The following IGSF11 variants were observed in gnomAD, a reference collection of about 807,000 sequenced individuals.
IGSF11 encodes CXADR like 1.
A neutral mutation model predicts 41.0 loss-of-function variants in IGSF11; 22 were observed. That is an observed-to-expected ratio of 0.54 (90% CI 0.38 to 0.77). The LOEUF is 0.77. IGSF11 is among the 30% of genes least tolerant of loss of function. The probability of loss-of-function intolerance (pLI) is 0.00; values close to 1 mark genes in which losing one functional copy is unlikely to be tolerated. For synonymous variants in IGSF11, 219 were observed against 201.3 expected, an observed-to-expected ratio of 1.09 and a Z score of -0.74; for missense variants, 444 against 530.8, an observed-to-expected ratio of 0.84 and a Z score of 1.61.
intron 1 of IGSF11, among the ~76,000 whole-genome samples, chr3:119,055,170 C>A (rs1046735867): frequency 6.6e-6 from 1 of 152,090 alleles, no homozygotes. Flanking sequence ...CACCAAACAC[C>A]CATCTGTACA....
At chr3:118,945,804 A>C (rs983010933) in intron 1 of IGSF11, 2 of 152,228 alleles carry the variant, frequency 1.3e-5, no homozygotes, top group African/African-American at 4.8e-5. Context: ...CACACAAACC[A>C]GAAATGTCCT....
intron 1 of IGSF11, among the ~76,000 whole-genome samples, chr3:119,072,628 T>G (rs2076418417): frequency 6.6e-6 from 1 of 152,176 alleles, no homozygotes; most frequent in African/African-American, 2.4e-5. Context: ...TTACAGCTCT[T>G]AAGGCAGTGC....
At chr3:119,026,277 C>A (rs1390680048) in intron 1 of IGSF11, among the ~76,000 whole-genome samples, 1 of 152,020 alleles carries the variant, frequency 6.6e-6, no homozygotes, top group Non-Finnish European at 1.5e-5. Flanking sequence ...TAATGCCACC[C>A]CATATAGCAC....
chr3:118,954,704 T>G (rs1240963223), intron 1 of IGSF11, among the ~76,000 whole-genome samples: 1 of 152,140 alleles, frequency 6.6e-6, no homozygotes, highest in Admixed American at 6.6e-5. Flanking sequence ...GTGTGTTCAC[T>G]GGAGTAGCAT....
At chr3:118,908,490 A>G (rs1256686641) in intron 4 of IGSF11, among the ~76,000 whole-genome samples, 2 of 152,238 alleles carry the variant, frequency 1.3e-5, no homozygotes, top group Non-Finnish European at 2.9e-5. Flanking sequence ...CACAAAGCAC[A>G]TAGCCCTTCC....
At chr3:118,934,169 C>T (rs1043273743) in intron 1 of IGSF11, among the ~76,000 whole-genome samples, 3 of 152,180 alleles carry the variant, frequency 2.0e-5, no homozygotes, top group African/African-American at 7.2e-5. Context: ...AGAATCTATT[C>T]CTGCTCCATA....
chr3:118,930,103 C>A lies in IGSF11; in HGVS notation c.216+9G>T, dbSNP rs1413200225. ...CTTTTAGAGGTAGCACAGGATGCAA[C>A]AGAAATACCTGTTCAGGTTGGTTGG... On this transcript the variant is annotated intron_variant, in intron 2 of 6. Coordinates refer to ENST00000393775, the MANE Select transcript of IGSF11 (RefSeq NM_001015887.3). 6.2e-7 allele frequency: 1 copy of A among 1,609,242 alleles called. No individual in the cohort carries two copies. The highest frequency in any genetic ancestry group is 8.5e-7 in the Non-Finnish European group (1 of 1,177,510).
rs1197956070 is a variant in IGSF11, at chr3:118,902,478, C to T, written c.*42G>A. 1 of 417,364 alleles carries T rather than the reference C, an allele frequency of 2.4e-6. No homozygotes were observed. The highest frequency in any genetic ancestry group is 4.8e-6 in the Non-Finnish European group (1 of 209,396). 25.9% of individuals were successfully genotyped at this position (417,364 alleles called of 1,614,324 possible). On this transcript the variant is annotated 3_prime_UTR_variant, in exon 7 of 7. Coordinates refer to ENST00000393775, the MANE Select transcript of IGSF11 (RefSeq NM_001015887.3). ...CCCCACCCTCCCCCTTGTATGAGGG[C>T]ATTCCATTTATTCATTTCTGAACAC...
At chr3:118,967,950 G>A (rs1398558000) in intron 1 of IGSF11, among the ~76,000 whole-genome samples, 3 of 151,948 alleles carry the variant, frequency 2.0e-5, no homozygotes, top group Admixed American at 1.3e-4. Context: ...TGTGACACAG[G>A]GTAGTTTCCA....
At chr3:118,932,592 A>T (rs1205386391) in intron 1 of IGSF11, among the ~76,000 whole-genome samples, 1 of 152,224 alleles carries the variant, frequency 6.6e-6, no homozygotes, top group East Asian at 1.9e-4. Context: ...AAGTTGAAAG[A>T]ACCTCAACAA....
chr3:118,937,924 T>C (rs1172834116), intron 1 of IGSF11, among the ~76,000 whole-genome samples: 1 of 152,088 alleles, frequency 6.6e-6, no homozygotes, highest in Admixed American at 6.6e-5. Context: ...TCAGAGACCA[T>C]CCCAAGGGCA....
intron 1 of IGSF11, among the ~76,000 whole-genome samples, chr3:119,041,130 A>AAAT (rs1363132228): frequency 6.6e-6 from 1 of 152,200 alleles, no homozygotes; most frequent in Non-Finnish European, 1.5e-5. Flanking sequence ...GTATTAATAG[A>AAAT]AGAAAATAAT....
At chr3:119,093,829 A>T (rs1294441834) in intron 1 of IGSF11, among the ~76,000 whole-genome samples, 2 of 152,164 alleles carry the variant, frequency 1.3e-5, no homozygotes, top group Non-Finnish European at 2.9e-5. Context: ...TGTGGCACAG[A>T]TAGTAGACCC....
At chr3:119,107,584 T>G (rs956317945), upstream of IGSF11, among the ~76,000 whole-genome samples, 36 of 152,014 alleles carry the variant, frequency 2.4e-4, no homozygotes, top group Non-Finnish European at 4.4e-4. Flanking sequence ...AGAAGCTCTT[T>G]AGTTTAATTA....
intron 1 of IGSF11, among the ~76,000 whole-genome samples, chr3:119,043,594 T>A (rs551972062): frequency 1.3e-5 from 2 of 152,228 alleles, no homozygotes; most frequent in East Asian, 3.9e-4. Flanking sequence ...CATGCTAGCA[T>A]AACAACCATT....
intron 1 of IGSF11, among the ~76,000 whole-genome samples, chr3:118,960,650 TTATAA>T (rs1367962527): frequency 2.0e-5 from 3 of 152,202 alleles, no homozygotes; most frequent in Admixed American, 6.5e-5. Context: ...TAAAAATCAC[TTATAA>T]TATCACTACT....
intron 1 of IGSF11, among the ~76,000 whole-genome samples, chr3:119,041,516 G>A (rs1941117837): frequency 6.6e-6 from 1 of 151,956 alleles, no homozygotes; most frequent in South Asian, 2.1e-4. Flanking sequence ...ACTCAGGAAG[G>A]AGAGGTTGCT....
intron 1 of IGSF11, among the ~76,000 whole-genome samples, chr3:119,125,852 A>G (rs1008564544): frequency 2.0e-5 from 3 of 152,176 alleles, no homozygotes; most frequent in African/African-American, 4.8e-5. Context: ...CAGCCAAGGG[A>G]GGCGGTGAGT....
At chr3:119,105,095 A>G (rs1321262214) in intron 1 of IGSF11, 2 of 1,241,704 alleles carry the variant, frequency 1.6e-6, no homozygotes, top group Non-Finnish European at 2.4e-6. Flanking sequence ...GCCATAAGAG[A>G]TAATAACCAC....
Sources: allele counts gnomAD v4.1 joint callset (sites outside exome capture counted in the v4.1 genomes callset), GRCh38; gene constraint gnomAD v4.1.1; transcripts MANE v1.5; gene names NCBI Gene and HGNC (gene_info 2026-07-23, HGNC 2026-07-21).